Variants in MORC2 observed in about 807,000 individuals in gnomAD.
MORC2 encodes the protein MORC family CW-type zinc finger 2.
Under a neutral mutation model 136.0 loss-of-function variants are expected in MORC2, and 30 were observed. The ratio of observed to expected loss-of-function variants is 0.22; its 90% CI spans 0.17 to 0.30. MORC2 has a LOEUF of 0.30. Ranked by LOEUF, MORC2 falls within the 10% of genes least tolerant of loss-of-function variation. The pLI is 1.00. For missense variants in MORC2, 922 were observed against 1,333.1 expected (o/e 0.69, Z 4.80); for synonymous variants, 439 against 487.0 (o/e 0.90, Z 1.30).
At chr22:30,949,013 AAAC>A (rs2040854362) in intron 5 of MORC2, among the ~76,000 whole-genome samples, 1 of 152,166 alleles carries the variant, frequency 6.6e-6, no homozygotes, top group Non-Finnish European at 1.5e-5. Context: ...CCCTCAAACA[AAAC>A]AACACATTTC....
chr22:30,956,117 A>G (rs1372730999), intron 3 of MORC2, among the ~76,000 whole-genome samples: 1 of 152,194 alleles, frequency 6.6e-6, no homozygotes, highest in Non-Finnish European at 1.5e-5. Flanking sequence ...GCAAACTATT[A>G]AAATTAATGA....
Position 30,934,016 on chromosome 22 carries a change from G to A in MORC2, c.2325+44C>T. The A allele has an allele frequency of 1.1e-5, 17 of 1,611,580 alleles. No individual in the cohort carries two copies. The highest frequency in any genetic ancestry group is 1.4e-5 in the Non-Finnish European group (17 of 1,178,584). ...TGCAGACTGCTGGTGGGGGCTGCAG[G>A]CCCTAGAGAGAGAGGCTTTGAGAAC... On this transcript the variant is annotated intron_variant, in intron 20 of 25. Transcript: ENST00000397641. This position sits in a 1 kb window ranked among gnomAD's most constrained non-coding sequence, Gnocchi z 4.4.
rs2041165372 is a variant in MORC2, at chr22:30,968,582, C to A, written c.-693G>T. ...CATAAACACCTCACAAATGACCCGC[C>A]CACAGCACCTCGGGCAGGCCGCGCC... On this transcript the variant is annotated 5_prime_UTR_variant, in exon 1 of 26. Coordinates refer to ENST00000397641, the MANE Select transcript of MORC2 (RefSeq NM_001303256.3). Among the ~76,000 whole-genome samples the A allele has an allele frequency of 6.6e-6, 1 of 152,166 alleles. No homozygotes were observed. The highest frequency in any genetic ancestry group is 2.1e-4 in the South Asian group (1 of 4,832).
In MORC2 at chr22:30,933,895, A is replaced by G. The variant is rs9609160; in HGVS notation, c.2325+165T>C. Among the ~76,000 whole-genome samples, 17,380 of 151,566 alleles carry G rather than the reference A, an allele frequency of 0.11. 1,277 individuals carry two copies. Among genetic ancestry groups the G allele is most frequent in the South Asian group, 0.23 (1,106 of 4,782 alleles). ...GGCTTCTGGAAGGCTCATGACACGA[A>G]TATAAACAGAGTTGGTGCAGACTGC... On this transcript the variant is annotated intron_variant, in intron 20 of 25. Transcript: ENST00000397641.
intron 24 of MORC2, chr22:30,930,021 A>T (rs1333524926): frequency 1.3e-5 from 2 of 151,968 alleles, no homozygotes; most frequent in Admixed American, 1.3e-4. Flanking sequence ...TCTGGCTAAT[A>T]TTTTTTGTAC....
chr22:30,938,804 C>T (rs544287447), intron 12 of MORC2, among the ~76,000 whole-genome samples: 4 of 152,278 alleles, frequency 2.6e-5, no homozygotes, highest in South Asian at 4.2e-4. Context: ...CTCCTGACCT[C>T]GTGATCCACC....
intron 5 of MORC2, 22 bp from the exon 6 acceptor site, chr22:30,946,471 G>T (rs927416278): frequency 3.2e-6 from 5 of 1,582,562 alleles, no homozygotes; most frequent in Non-Finnish European, 3.5e-6. Context: ...ACAGAAATGG[G>T]TGTTATTCTC....
intron 24 of MORC2, among the ~76,000 whole-genome samples, chr22:30,929,565 G>A (rs1045789682): frequency 1.3e-5 from 2 of 151,980 alleles, no homozygotes; most frequent in Non-Finnish European, 1.5e-5. Flanking sequence ...TGGCTAACAC[G>A]GTGAAACCCC....
chr22:30,949,646 TA>T (rs1314990143), intron 5 of MORC2, 105 bp downstream of exon 5: 4 of 945,330 alleles, frequency 4.2e-6, no homozygotes. Flanking sequence ...GTTCCAGAAT[TA>T]TAGTCAATAG....
At position 30,968,754 on chromosome 22, in the gene MORC2, C is replaced by T. The variant is rs991041376; in HGVS notation, c.-865G>A. Among the ~76,000 whole-genome samples the T allele has an allele frequency of 2.6e-5, 4 of 152,078 alleles. No homozygotes were observed. The highest frequency in any genetic ancestry group is 9.7e-5 in the African/African-American group (4 of 41,422). ...GTGGCGAGCGCACCACCTGACCGGG[C>T]ACTACCCGGATCTCACAACTGCCTT... On this transcript the variant is annotated 5_prime_UTR_variant, in exon 1 of 26. Transcript: ENST00000397641.
At chr22:30,943,652 C>G (rs1303498819) in intron 6 of MORC2, among the ~76,000 whole-genome samples, 1 of 152,134 alleles carries the variant, frequency 6.6e-6, no homozygotes, top group Admixed American at 6.5e-5. Context: ...GGGGTTCAAA[C>G]CCTTAGGAAA....
intron 12 of MORC2, among the ~76,000 whole-genome samples, chr22:30,938,909 TA>T (rs1272698394): frequency 6.6e-6 from 1 of 152,168 alleles, no homozygotes; most frequent in Non-Finnish European, 1.5e-5. Context: ...ACAAGAATAA[TA>T]AGCATGTGCA....
At chr22:30,942,397 A>C in intron 6 of MORC2, 126 bp from the exon 7 acceptor site, 1 of 1,044,362 alleles carries the variant, frequency 9.6e-7, no homozygotes, top group Non-Finnish European at 1.4e-6. Flanking sequence ...CCCAAGCTCC[A>C]CAGCCTGGCA....
At chr22:30,933,178 G>A in intron 21 of MORC2, 148 bp from the exon 22 acceptor site, 3 of 1,220,314 alleles carry the variant, frequency 2.5e-6, no homozygotes, top group Non-Finnish European at 3.4e-6. Flanking sequence ...ACAGAGACCA[G>A]GGACCAGCCA....
At position 30,926,366 on chromosome 22, in the gene MORC2, C is replaced by G. The variant is rs531734546; in HGVS notation, c.*437G>C. ...CAGGACCACCACTCTAGGGGGAAGT[C>G]TCCCTCCCATCCCTCAGATCCCCAC... On this transcript the variant is annotated 3_prime_UTR_variant, in exon 26 of 26. Coordinates refer to ENST00000397641, the MANE Select transcript of MORC2 (RefSeq NM_001303256.3). The G allele has an allele frequency of 1.8e-4, 28 of 152,978 alleles. No homozygotes were observed. In the South Asian group the frequency reaches 5.8e-3, roughly 32 times the overall value. 9.5% of individuals were successfully genotyped at this position (152,978 alleles called of 1,614,324 possible). A position where few individuals can be genotyped will look rare whatever the true frequency, so the allele number is the denominator to read the frequency against.
intron 3 of MORC2, among the ~76,000 whole-genome samples, chr22:30,955,679 G>GA (rs1037121680): frequency 4.6e-5 from 7 of 152,030 alleles, no homozygotes; most frequent in African/African-American, 1.7e-4. Flanking sequence ...AAGTCTGTCA[G>GA]AAAAAAACAC....
Position 30,932,675 on chromosome 22 carries a change from C to G in MORC2, c.2617G>C (p.Val873Leu), listed in dbSNP as rs138350528. 1.2e-6 allele frequency: 2 copies of G among 1,613,992 alleles called. No individual in the cohort carries two copies. The highest frequency in any genetic ancestry group is 2.2e-5 in the East Asian group (1 of 44,874). Residue 873 changes from valine to leucine, a missense_variant, in exon 23 of 26, where the codon GTG becomes CTG. Around this residue, in one of 9 missense-constraint regions of MORC2, gnomAD observed 263 missense variants for 388.3 expected, o/e 0.68. Transcript: ENST00000397641. The surrounding 1 kb of genome is among the most constrained non-coding windows in gnomAD (Gnocchi z 4.4). ...DTQQEGGEEEVGPVAQQAIAV... is the reference protein window; with the variant it reads ...DTQQEGGEEELGPVAQQAIAV... ...ATGGCCTGCTGGGCCACAGGGCCCA[C>G]CTCCTCCTCCCCGCCCTCCTGTTGT... is the stretch of plus-strand genomic sequence containing the variant.
chr22:30,963,214 G>A, intron 1 of MORC2: 1 of 570,174 alleles, frequency 1.8e-6, no homozygotes, highest in Non-Finnish European at 2.2e-6. Context: ...CTGACCTCGT[G>A]ATCCACCCAC....
chr22:30,943,608 T>C (rs747733351), intron 6 of MORC2, among the ~76,000 whole-genome samples: 1 of 152,228 alleles, frequency 6.6e-6, no homozygotes, highest in Non-Finnish European at 1.5e-5. Flanking sequence ...CCTGAAGGAT[T>C]TCCTCTGCAG....
Sources: gnomAD v4.1 joint callset for allele counts (sites outside exome capture counted in the v4.1 genomes callset) on GRCh38, gnomAD v4.1.1 for gene constraint, gnomAD v4.1.1 regional missense constraint, Gnocchi (gnomAD v3.1) non-coding constraint, MANE v1.5 for transcripts, NCBI Gene and HGNC (gene_info 2026-07-23, HGNC 2026-07-21) for gene names.